The following KCNMA1 variants were observed in gnomAD, a reference collection of about 807,000 sequenced individuals.
KCNMA1 encodes the protein potassium calcium-activated channel subfamily M alpha 1, also known as Calcium-activated potassium channel subunit alpha-1.
KCNMA1 carries 29 observed loss-of-function variants against 140.0 expected under a neutral mutation model. The observed-to-expected ratio is 0.21, with a 90% CI of 0.15 to 0.28. The LOEUF (loss-of-function observed/expected upper bound fraction) is 0.28. KCNMA1 is among the 10% of genes least tolerant of loss of function. The pLI, the probability that KCNMA1 is intolerant of heterozygous loss-of-function variation, is 1.00. For synonymous variants in KCNMA1, 612 were observed against 611.9 expected, an observed-to-expected ratio of 1.00 and a Z score of 0.00; for missense variants, 880 against 1,602.2, an observed-to-expected ratio of 0.55 and a Z score of 7.70.
intron 2 of KCNMA1, among the ~76,000 whole-genome samples, chr10:77,334,530 C>T (rs563439787): frequency 2.4e-4 from 36 of 152,276 alleles, no homozygotes; most frequent in Non-Finnish European, 4.7e-4. Context: ...ACTACCATCA[C>T]TGTTATCATT....
At chr10:77,418,733 C>G (rs1373108028) in intron 1 of KCNMA1, among the ~76,000 whole-genome samples, 1 of 152,186 alleles carries the variant, frequency 6.6e-6, no homozygotes, top group Non-Finnish European at 1.5e-5. Context: ...TACCATGTCC[C>G]CTCTTTCCCC....
At chr10:77,547,304 C>T (rs1265679244) in intron 1 of KCNMA1, among the ~76,000 whole-genome samples, 3 of 152,174 alleles carry the variant, frequency 2.0e-5, no homozygotes, top group Non-Finnish European at 2.9e-5. Flanking sequence ...GCTGCAATCC[C>T]GACCATGGAT....
At chr10:77,155,171 C>T (rs2098468847) in intron 5 of KCNMA1, among the ~76,000 whole-genome samples, 1 of 152,024 alleles carries the variant, frequency 6.6e-6, no homozygotes, top group African/African-American at 2.4e-5. Flanking sequence ...AAGAGGTGGG[C>T]CACAAAAGCA....
intron 1 of KCNMA1, among the ~76,000 whole-genome samples, chr10:77,534,077 C>T (rs1176338913): frequency 6.6e-6 from 1 of 152,188 alleles, no homozygotes; most frequent in South Asian, 2.1e-4. Context: ...CAGGCTTCCC[C>T]CTCAGGGCGT....
intron 2 of KCNMA1, among the ~76,000 whole-genome samples, chr10:77,344,371 C>T (rs1040352188): frequency 2.0e-5 from 3 of 152,076 alleles, no homozygotes; most frequent in Non-Finnish European, 4.4e-5. Flanking sequence ...GTGAAGGAAG[C>T]AAGGTGAAAA....
intron 23 of KCNMA1, among the ~76,000 whole-genome samples, chr10:76,941,125 GAA>G (rs2062144967): frequency 2.4e-4 from 18 of 74,818 alleles, no homozygotes; most frequent in African/African-American, 8.6e-4. Flanking sequence ...GGAGGGAAGG[GAA>G]GGGAAGGGAA....
chr10:77,507,289 C>CTGTT (rs3071911), intron 1 of KCNMA1, among the ~76,000 whole-genome samples: 93,312 of 151,514 alleles, frequency 0.62, 29,888 homozygotes, highest in African/African-American at 0.79. Context: ...GAAGAAGGTA[C>CTGTT]TGTTTGTTCC....
chr10:77,023,444 T>C (rs1263372242), intron 16 of KCNMA1, among the ~76,000 whole-genome samples: 1 of 152,186 alleles, frequency 6.6e-6, no homozygotes, highest in Non-Finnish European at 1.5e-5. Flanking sequence ...TATGAGAACA[T>C]ACTTTGTGCT....
At position 77,531,451 on chromosome 10, in the gene KCNMA1, C is replaced by T. The variant is rs182376525; in HGVS notation, c.378+105814G>A. Among the ~76,000 whole-genome samples the T allele has an allele frequency of 3.7e-3, 567 of 152,306 alleles. 4 individuals are homozygous for T. The highest frequency in any genetic ancestry group is 0.012 in the African/African-American group (485 of 41,552). ...TCCCTGGGCAGGTGCCCCTCACCCA[C>T]GCCAGCAAGGTCAAGGTTTATTCCC... is the stretch of plus-strand genomic sequence containing the variant. On this transcript the variant is annotated intron_variant, in intron 1 of 27. Coordinates refer to ENST00000286628, the MANE Select transcript of KCNMA1 (RefSeq NM_001161352.2).
intron 23 of KCNMA1, among the ~76,000 whole-genome samples, chr10:76,920,014 GTGTGTGTATATA>G (rs1397454779): frequency 1.6e-4 from 7 of 44,514 alleles, no homozygotes; most frequent in African/African-American, 9.1e-4. Flanking sequence ...GTGTGTGTGT[GTGTGTGTATATA>G]TATATATATA....
intron 3 of KCNMA1, among the ~76,000 whole-genome samples, chr10:77,214,035 G>A (rs969764206): frequency 2.0e-5 from 3 of 151,914 alleles, no homozygotes; most frequent in Non-Finnish European, 2.9e-5. Context: ...ATCACCCCTG[G>A]GCAGCACCCT....
chr10:77,425,479 C>T (rs1258573021), intron 1 of KCNMA1, among the ~76,000 whole-genome samples: 2 of 152,196 alleles, frequency 1.3e-5, no homozygotes, highest in Non-Finnish European at 2.9e-5. Context: ...GTAGCCCACA[C>T]TCTGTTGAAA....
chr10:77,625,770 T>C (rs2092416594), intron 1 of KCNMA1, among the ~76,000 whole-genome samples: 1 of 152,242 alleles, frequency 6.6e-6, no homozygotes, highest in Non-Finnish European at 1.5e-5. Flanking sequence ...CTTGAATTGC[T>C]TCCACCTTTG....
intron 2 of KCNMA1, among the ~76,000 whole-genome samples, chr10:77,402,227 A>G (rs1262737597): frequency 6.6e-6 from 1 of 152,190 alleles, no homozygotes; most frequent in Non-Finnish European, 1.5e-5. Context: ...CAAGCATGAA[A>G]GAGCAATGGA....
At position 77,460,450 on chromosome 10, in the gene KCNMA1, C is replaced by T. The variant is rs114260829; in HGVS notation, c.379-56427G>A. Reference sequence around the variant, plus strand: ...ACCTGCACTCATGTTTATTGCAGCACTACTCACATTAGCAAAGTCGTGGAA... The same window carrying T: ...ACCTGCACTCATGTTTATTGCAGCATTACTCACATTAGCAAAGTCGTGGAA... On this transcript the variant is annotated intron_variant, in intron 1 of 27. Transcript: ENST00000286628. Among the ~76,000 whole-genome samples, 287 of 152,260 alleles carry T rather than the reference C, an allele frequency of 1.9e-3. 2 individuals carry two copies. Among genetic ancestry groups the T allele is most frequent in the East Asian group, 0.019 (96 of 5,184 alleles).
intron 1 of KCNMA1, among the ~76,000 whole-genome samples, chr10:77,431,681 TAAAAAAAAAAA>T (rs71028276): frequency 0.032 from 2,382 of 75,500 alleles, 94 homozygotes; most frequent in African/African-American, 0.11. Flanking sequence ...TGGTCTGTTG[TAAAAAAAAAAA>T]AAAAAAAAAA....
At chr10:77,390,772 C>T (rs950047863) in intron 2 of KCNMA1, among the ~76,000 whole-genome samples, 1 of 152,216 alleles carries the variant, frequency 6.6e-6, no homozygotes, top group Non-Finnish European at 1.5e-5. Flanking sequence ...GGCTCAGAGA[C>T]CAACAAACCC....
intron 1 of KCNMA1, among the ~76,000 whole-genome samples, chr10:77,431,126 C>T (rs1424627090): frequency 2.6e-5 from 4 of 152,202 alleles, no homozygotes; most frequent in Admixed American, 2.6e-4. Flanking sequence ...CAGCTCAGAT[C>T]AGCCAGCCCA....
chr10:77,259,073 C>T (rs2061422839), intron 2 of KCNMA1, among the ~76,000 whole-genome samples: 1 of 152,082 alleles, frequency 6.6e-6, no homozygotes, highest in Admixed American at 6.5e-5. Flanking sequence ...ATCCATAGGT[C>T]CCCTAAATTA....
Sources: allele counts gnomAD v4.1 joint callset (sites outside exome capture counted in the v4.1 genomes callset), GRCh38; gene constraint gnomAD v4.1.1; transcripts MANE v1.5; gene names NCBI Gene and HGNC (gene_info 2026-07-23, HGNC 2026-07-21).